TRMT1L: variants seen among roughly 807,000 people sequenced by gnomAD.
The protein encoded by TRMT1L is tRNA methyltransferase 1L, also known as tRNA (guanine(27)-N(2))-dimethyltransferase.
Under a neutral mutation model 81.6 loss-of-function variants are expected in TRMT1L, and 28 were observed. That is an observed-to-expected ratio of 0.34 (90% CI 0.25 to 0.47). The LOEUF is 0.47. Ranked by LOEUF, TRMT1L falls within the 20% of genes least tolerant of loss-of-function variation. The pLI is 1.00. For synonymous variants in TRMT1L, 301 were observed against 303.2 expected (o/e 0.99, Z 0.07); for missense variants, 739 against 877.1 (o/e 0.84, Z 1.99).
rs1445994728 is a variant in TRMT1L at position 185,120,172 on chromosome 1, C to T, written c.2049G>A (p.Gln683=). ...TGTACTTTAAAAGGATAGATTTAAA[C>T]TGCATCAGAGGTGCATCTGTGCGTA... is the stretch of plus-strand genomic sequence containing the variant. The part of the protein sequence containing the change: ...MGVRTDAPLM[Q]FKSILLKYST... Residue 683 remains glutamine (Q), a synonymous_variant, in exon 15 of 15, where the codon CAG becomes CAA. Transcript: ENST00000367506. The T allele has an allele frequency of 1.2e-6, 2 of 1,613,820 alleles. No homozygotes were observed. Among genetic ancestry groups the T allele is most frequent in the Admixed American group, 1.7e-5 (1 of 59,974 alleles).
chr1:185,156,583 C>G lies in TRMT1L; in HGVS notation c.130G>C (p.Asp44His), dbSNP rs1226141806. Reference sequence around the variant, plus strand: ...GCCGAGGCCGGAGTCGGAGCCGAGTCCAGAGCCGAATCCGGGGCCGGAGCT... The same window carrying G: ...GCCGAGGCCGGAGTCGGAGCCGAGTGCAGAGCCGAATCCGGGGCCGGAGCT... ...VPAPAPDSAL[D>H]SAPTPASAPA... The change falls in exon 1 of 15, where the codon GAC becomes CAC. Residue 44 changes from aspartate (D) to histidine (H), a missense_variant. Transcript: ENST00000367506. The G allele has an allele frequency of 6.3e-7, 1 of 1,599,144 alleles. No homozygotes were observed. Among genetic ancestry groups the G allele is most frequent in the Non-Finnish European group, 8.5e-7 (1 of 1,173,024 alleles).
chr1:185,125,198 T>A, intron 11 of TRMT1L, 88 bp from the exon 12 acceptor site: 1 of 883,624 alleles, frequency 1.1e-6, no homozygotes, highest in Non-Finnish European at 1.6e-6. Flanking sequence ...ATAAGTAAGA[T>A]ATATAATTAA....
chr1:185,155,892 C>T (rs976181676), intron 1 of TRMT1L, among the ~76,000 whole-genome samples: 1 of 152,204 alleles, frequency 6.6e-6, no homozygotes, highest in African/African-American at 2.4e-5. Flanking sequence ...TGGGGGAAAA[C>T]ATCCGTAAAT....
At chr1:185,155,345 G>C (rs1331712152) in intron 1 of TRMT1L, among the ~76,000 whole-genome samples, 1 of 152,142 alleles carries the variant, frequency 6.6e-6, no homozygotes, top group Non-Finnish European at 1.5e-5. Flanking sequence ...ATGCCTCCCC[G>C]ATCCCTACCC....
chr1:185,139,611 GT>G (rs1320100766), intron 8 of TRMT1L, 32 bp from the exon 9 acceptor site: 1 of 1,476,812 alleles, frequency 6.8e-7, no homozygotes, highest in East Asian at 2.3e-5. Flanking sequence ...ACATTTTAAA[GT>G]CATATTAGTA....
At chr1:185,134,494 T>G (rs998641765) in intron 10 of TRMT1L, among the ~76,000 whole-genome samples, 12 of 152,250 alleles carry the variant, frequency 7.9e-5, no homozygotes, top group Admixed American at 2.0e-4. Context: ...GCTATTTGAC[T>G]TTTTAAACTA....
rs978847360 is a variant in TRMT1L at position 185,138,902 on chromosome 1, T to C, written c.1322+465A>G. Among the ~76,000 whole-genome samples, 7 of 152,308 alleles carry C rather than the reference T, an allele frequency of 4.6e-5. No homozygotes were observed. In the East Asian group the frequency reaches 7.7e-4, roughly 17 times the overall value. On this transcript the variant is annotated intron_variant, in intron 9 of 14. Coordinates refer to ENST00000367506, the MANE Select transcript of TRMT1L (RefSeq NM_030934.5). ...CCTGGGTTCAAGTGATTCTAGTGCC[T>C]CAACCTATAATCGTAGCTGTGATTA...
chr1:185,121,453 A>T (rs1652498974), intron 13 of TRMT1L, among the ~76,000 whole-genome samples: 1 of 152,148 alleles, frequency 6.6e-6, no homozygotes, highest in South Asian at 2.1e-4. Flanking sequence ...TAAAAAAAAA[A>T]AAGTATTGAA....
At position 185,145,384 on chromosome 1, in the gene TRMT1L, G is replaced by A. The variant is rs985308721; in HGVS notation, c.655+55C>T. 1.3e-5 allele frequency: 20 copies of A among 1,526,728 alleles called. No homozygotes were observed. The African/African-American group carries it at 2.6e-4, about 20-fold the overall frequency. 94.6% of individuals were successfully genotyped at this position (1,526,728 alleles called of 1,614,324 possible). A position where few individuals can be genotyped will look rare whatever the true frequency, so the allele number is the denominator to read the frequency against. ...TTCCTGATGTCTGAAAATAATAACT[G>A]GACCATTATTTAAGGATTTACATAT... On this transcript the variant is annotated intron_variant, in intron 5 of 14. Transcript: ENST00000367506.
chr1:185,132,446 C>T (rs956768864), intron 10 of TRMT1L, among the ~76,000 whole-genome samples: 5 of 151,046 alleles, frequency 3.3e-5, no homozygotes, highest in African/African-American at 1.2e-4. Flanking sequence ...TTGAATCTAG[C>T]AGGTGAAGGT....
intron 3 of TRMT1L, among the ~76,000 whole-genome samples, chr1:185,149,892 T>G (rs546461263): frequency 1.7e-3 from 264 of 152,276 alleles, no homozygotes; most frequent in African/African-American, 6.1e-3. Context: ...TTGTTTCCAT[T>G]TATCTGAAGT....
chr1:185,145,361 C>T, intron 5 of TRMT1L, 78 bp downstream of exon 5: 1 of 1,434,174 alleles, frequency 7.0e-7, no homozygotes, highest in South Asian at 1.3e-5. Flanking sequence ...ATTTTATATT[C>T]CTGATGTCTG....
rs1009470423 is a variant in TRMT1L, at chr1:185,156,858, A to G, written c.-146T>C. 7 of 1,137,892 alleles carry G rather than the reference A, an allele frequency of 6.2e-6. No individual in the cohort carries two copies. The highest frequency in any genetic ancestry group is 1.6e-5 in the African/African-American group (1 of 61,596). The allele number at this position is 1,137,892 out of a possible 1,614,324, so 70.5% of individuals were successfully genotyped here. ...GCGGGATGCGTGCAACAGACAAAAG[A>G]TGAAGAACCAGTGACCAAATCCTGT... On this transcript the variant is annotated 5_prime_UTR_variant, in exon 1 of 15. Transcript: ENST00000367506.
chr1:185,138,997 AG>A (rs1652969364), intron 9 of TRMT1L, among the ~76,000 whole-genome samples: 1 of 152,202 alleles, frequency 6.6e-6, no homozygotes, highest in African/African-American at 2.4e-5. Flanking sequence ...CATGTTGGCC[AG>A]GAGTCTTGTT....
chr1:185,120,557 C>G (rs751051631), intron 13 of TRMT1L, 48 bp from the exon 14 acceptor site: 11 of 1,444,056 alleles, frequency 7.6e-6, no homozygotes, highest in African/African-American at 1.5e-5. Flanking sequence ...AATTACAAGC[C>G]AAATACTTTT....
intron 9 of TRMT1L, among the ~76,000 whole-genome samples, chr1:185,138,980 GT>G (rs973248947): frequency 5.9e-5 from 9 of 152,228 alleles, no homozygotes; most frequent in African/African-American, 2.2e-4. Flanking sequence ...TAGAGACGGG[GT>G]TTCACCATGT....
intron 11 of TRMT1L, among the ~76,000 whole-genome samples, chr1:185,127,985 G>A (rs1264286474): frequency 6.6e-6 from 1 of 150,486 alleles, no homozygotes; most frequent in Admixed American, 6.6e-5. Context: ...GTTGTGGCGG[G>A]TGCCTGTAAT....
intron 4 of TRMT1L, among the ~76,000 whole-genome samples, chr1:185,146,972 TA>T (rs1448045670): frequency 6.6e-6 from 1 of 152,032 alleles, no homozygotes; most frequent in Admixed American, 6.6e-5. Flanking sequence ...TGACTTAAAC[TA>T]AAAACTGTAA....
intron 6 of TRMT1L, 24 bp downstream of exon 6, chr1:185,143,882 A>C (rs1271404432): frequency 6.3e-7 from 1 of 1,590,828 alleles, no homozygotes; most frequent in Non-Finnish European, 8.6e-7. Flanking sequence ...AACATCCCAT[A>C]ACCCTATTTT....
Sources: gnomAD v4.1 joint callset for allele counts (sites outside exome capture counted in the v4.1 genomes callset) on GRCh38, gnomAD v4.1.1 for gene constraint, MANE v1.5 for transcripts, NCBI Gene and HGNC (gene_info 2026-07-23, HGNC 2026-07-21) for gene names.